The following SGCA variants were observed in gnomAD, a reference collection of about 807,000 sequenced individuals.
SGCA encodes the protein alpha-sarcoglycan.
SGCA carries 34 observed loss-of-function variants against 38.1 expected under a neutral mutation model. That is an observed-to-expected ratio of 0.89 (90% CI 0.68 to 1.19). The LOEUF (loss-of-function observed/expected upper bound fraction) is 1.19, where lower values mean the gene tolerates loss of function less well. Among genes scored for constraint, SGCA ranks in the 50% most tolerant of loss-of-function variants. The pLI is 0.00. For missense variants in SGCA, 476 were observed against 524.9 expected (o/e 0.91, Z 0.91); for synonymous variants, 209 against 214.6 (o/e 0.97, Z 0.23).
At chr17:50,174,676 C>T (rs1469158424) in intron 8 of SGCA, among the ~76,000 whole-genome samples, 1 of 151,984 alleles carries the variant, frequency 6.6e-6, no homozygotes, top group African/African-American at 2.4e-5. Flanking sequence ...CTCCATTTGG[C>T]CGTTGAGCAA....
chr17:50,167,925 A>G lies in SGCA; in HGVS notation c.313-22A>G. On this transcript the variant is annotated intron_variant, in intron 3 of 9. Transcript: ENST00000262018. This position sits in a 1 kb window ranked among gnomAD's most constrained non-coding sequence, Gnocchi z 4.5. ...ACGTTTCTCCCCTAACCCACTTCTC[A>G]GATGTCTTTCCCATCCCCCAGGTCA... The G allele has an allele frequency of 6.2e-7, 1 of 1,612,564 alleles. No individual in the cohort carries two copies. The highest frequency in any genetic ancestry group is 8.5e-7 in the Non-Finnish European group (1 of 1,178,646).
Position 50,175,373 on chromosome 17 carries a change from C to G in SGCA, c.1100C>G (p.Thr367Arg). The change falls in exon 9 of 10, where the codon ACA becomes AGA. Residue 367 changes from threonine to arginine, a missense_variant. Transcript: ENST00000262018. ...LSTLPMFNVHTGERLPPRVDS... is the reference protein window; with the variant it reads ...LSTLPMFNVHRGERLPPRVDS... Reference sequence around the variant, plus strand: ...ACCCTGCCCATGTTCAATGTGCACACAGGTGAGCGGCTGCCTCCCCGCGTG... The same window carrying G: ...ACCCTGCCCATGTTCAATGTGCACAGAGGTGAGCGGCTGCCTCCCCGCGTG... 1.2e-6 allele frequency: 2 copies of G among 1,613,038 alleles called. No individual in the cohort carries two copies. Among genetic ancestry groups the G allele is most frequent in the Non-Finnish European group, 1.7e-6 (2 of 1,180,008 alleles).
chr17:50,171,520 C>T (rs1187710685), intron 8 of SGCA: 1 of 456,810 alleles, frequency 2.2e-6, no homozygotes, highest in South Asian at 1.5e-5. Flanking sequence ...TCATTAATTG[C>T]AGTGGCACTT....
chr17:50,171,791 C>T (rs1256373522), intron 8 of SGCA: 4 of 456,644 alleles, frequency 8.8e-6, no homozygotes, highest in Non-Finnish European at 1.8e-5. Context: ...CATGTCGTAG[C>T]CCGTGGTGGA....
At chr17:50,175,633 C>T (rs1008559137) in intron 9 of SGCA, 79 bp from the exon 10 acceptor site, 2 of 696,940 alleles carry the variant, frequency 2.9e-6, no homozygotes, top group African/African-American at 1.7e-5. Context: ...GCCAAGCACT[C>T]GCAGTTGGAG....
rs749544769 is a variant in SGCA, at chr17:50,168,587, C to A, written c.584+15C>A. On this transcript the variant is annotated intron_variant, in intron 5 of 9. Coordinates refer to ENST00000262018, the MANE Select transcript of SGCA (RefSeq NM_000023.4). ...CGAAAAGAAGGGTAGGTGTGCAACC[C>A]TAGAGGACTTCCTGAAAGAGGAGGA... 7.1e-6 allele frequency: 11 copies of A among 1,553,082 alleles called. No individual in the cohort carries two copies. Among genetic ancestry groups the A allele is most frequent in the Non-Finnish European group, 8.7e-7 (1 of 1,146,836 alleles).
At position 50,170,227 on chromosome 17, in the gene SGCA, C is replaced by A. The variant is rs759841180; in HGVS notation, c.832C>A (p.Pro278Thr). Reference sequence around the variant, plus strand: ...GGAGCATGACCCGTTCTTCTGCCCACCCACTGAGGCCCCAGACCGTGACTT... The same window carrying A: ...GGAGCATGACCCGTTCTTCTGCCCAACCACTGAGGCCCCAGACCGTGACTT... ...ILEHDPFFCP[P>T]TEAPDRDFLV... The change falls in exon 7 of 10, where the codon CCC becomes ACC. Residue 278 changes from proline (P) to threonine (T), a missense_variant. Physicochemically the swap from Pro to Thr is conservative, Grantham distance 38. Transcript: ENST00000262018. The A allele has an allele frequency of 1.2e-6, 2 of 1,614,184 alleles. No homozygotes were observed. The highest frequency in any genetic ancestry group is 1.1e-5 in the South Asian group (1 of 91,088).
At chr17:50,173,398 C>T (rs1034723901) in intron 8 of SGCA, among the ~76,000 whole-genome samples, 4 of 150,884 alleles carry the variant, frequency 2.7e-5, no homozygotes, top group Non-Finnish European at 5.9e-5. Flanking sequence ...ACCTAGGCCA[C>T]GTGTGTGTGT....
At chr17:50,169,343 C>A in intron 6 of SGCA, 89 bp downstream of exon 6, 1 of 1,167,234 alleles carries the variant, frequency 8.6e-7, no homozygotes, top group South Asian at 1.4e-5. Flanking sequence ...CTATCTCCGT[C>A]TCTCTGATTG....
chr17:50,172,866 G>A (rs886858456), intron 8 of SGCA, among the ~76,000 whole-genome samples: 1 of 152,184 alleles, frequency 6.6e-6, no homozygotes, highest in Non-Finnish European at 1.5e-5. Context: ...GCAGTTAAAA[G>A]GCTTTGCTTT....
rs1362655145 is a variant in SGCA at position 50,168,007 on chromosome 17, G to C, written c.373G>C (p.Gly125Arg). Residue 125 changes from glycine to arginine, a missense_variant, in exon 4 of 10, where the codon GGG becomes CGG. Gly to Arg is a moderately radical substitution (Grantham distance 125). Coordinates refer to ENST00000262018, the MANE Select transcript of SGCA (RefSeq NM_000023.4). ...TCGGCAGAGGCTGGTGCTGGAGATT[G>C]GGGACCCAGAAGGTACCTCTAGCTG... ...TTRQRLVLEI[G>R]DPEGPLLPYQ... 5 of 1,613,936 alleles carry C rather than the reference G, an allele frequency of 3.1e-6. No individual in the cohort carries two copies. The highest frequency in any genetic ancestry group is 3.4e-6 in the Non-Finnish European group (4 of 1,179,822).
Position 50,175,408 on chromosome 17 carries a change from C to T in SGCA, c.1135C>T (p.Gln379Ter), listed in dbSNP as rs1254429264. 6.2e-7 allele frequency: 1 copy of T among 1,613,186 alleles called. No homozygotes were observed. The highest frequency in any genetic ancestry group is 1.3e-5 in the African/African-American group (1 of 75,082). ...GCTGCCTCCCCGCGTGGACAGCGCC[C>T]AGGTGCCCCTCATTCTGGACCAGCA... ...ERLPPRVDSAQVPLILDQH is the reference protein window; with the variant it reads ...ERLPPRVDSA The change falls in exon 9 of 10, where the codon CAG becomes TAG. Residue 379 changes from glutamine (Q) to a stop codon, truncating the protein, a stop_gained. Transcript: ENST00000262018. LOFTEE classifies it high-confidence loss of function.
chr17:50,166,587 C>T lies in SGCA; in HGVS notation c.37+510C>T, dbSNP rs180689583. ...TTCCTCCTCTGTAGGCTCCTGGCCC[C>T]GTCTTCCTCTCCTCTGGGCTCTTGG... On this transcript the variant is annotated intron_variant, in intron 1 of 9. Transcript: ENST00000262018. 4.0e-5 allele frequency among the ~76,000 whole-genome samples: 6 copies of T among 151,886 alleles called. No homozygotes were observed. In the South Asian group the frequency reaches 6.2e-4, roughly 16 times the overall value.
Position 50,167,713 on chromosome 17 carries a change from G to T in SGCA, c.289G>T (p.Asp97Tyr). Residue 97 changes from aspartate to tyrosine, a missense_variant, in exon 3 of 10, where the codon GAT becomes TAT. By Grantham distance (160) the Asp-to-Tyr change is radical. Coordinates refer to ENST00000262018, the MANE Select transcript of SGCA (RefSeq NM_000023.4). This position sits in a 1 kb window ranked among gnomAD's most constrained non-coding sequence, Gnocchi z 4.5. ...GFLYGSATPE[D>Y]RGLQVIEVTA... ...CCTCTACGGCTCTGCCACCCCAGAA[G>T]ATCGTGGGCTCCAGGTCATTGAGGT... The T allele has an allele frequency of 6.2e-7, 1 of 1,612,184 alleles. No homozygotes were observed. Among genetic ancestry groups the T allele is most frequent in the Non-Finnish European group, 8.5e-7 (1 of 1,178,626 alleles).
In SGCA at chr17:50,167,891, C is replaced by T. The variant is rs1255581341; in HGVS notation, c.313-56C>T. 22 of 1,571,438 alleles carry T rather than the reference C, an allele frequency of 1.4e-5. No individual in the cohort carries two copies. The highest frequency in any genetic ancestry group is 6.7e-5 in the Admixed American group (4 of 59,970). On this transcript the variant is annotated intron_variant, in intron 3 of 9. Transcript: ENST00000262018. This position sits in a 1 kb window ranked among gnomAD's most constrained non-coding sequence, Gnocchi z 4.5. ...TCTGAGTCCTCTCCTGCCAGGCCCC[C>T]GCTGTGCCACGTTTCTCCCCTAACC...
chr17:50,170,284 C>A lies in SGCA; in HGVS notation c.889C>A (p.Pro297Thr). 1.2e-6 allele frequency: 2 copies of A among 1,614,230 alleles called. No homozygotes were observed. The highest frequency in any genetic ancestry group is 1.7e-6 in the Non-Finnish European group (2 of 1,180,036). The change falls in exon 7 of 10, where the codon CCC becomes ACC. Residue 297 changes from proline to threonine, a missense_variant. Physicochemically the swap from Pro to Thr is conservative, Grantham distance 38. Coordinates refer to ENST00000262018, the MANE Select transcript of SGCA (RefSeq NM_000023.4). ...GGATGCTCTGGTCACCCTCCTGGTG[C>A]CCCTGCTGGTGGCCCTGCTTCTCAC... ...LVDALVTLLV[P>T]LLVALLLTLL...
At chr17:50,169,445 A>ACACACACACACAC (rs369628436) in intron 6 of SGCA, 191 bp downstream of exon 6, 1 of 573,600 alleles carries the variant, frequency 1.7e-6, no homozygotes, top group African/African-American at 1.9e-5. Flanking sequence ...ACACACACAC[A>ACACACACACACAC]CCCCTGAAGT....
chr17:50,168,985 C>A, intron 5 of SGCA, 107 bp from the exon 6 acceptor site: 1 of 1,029,376 alleles, frequency 9.7e-7, no homozygotes, highest in South Asian at 1.3e-5. Flanking sequence ...CTCATCCCAT[C>A]CCCAGGTCAT....
At position 50,168,607 on chromosome 17, in the gene SGCA, G is replaced by A. The variant is rs572645859; in HGVS notation, c.584+35G>A. 5.9e-6 allele frequency: 9 copies of A among 1,533,564 alleles called. No homozygotes were observed. The African/African-American group carries it at 9.6e-5, about 16-fold the overall frequency. The allele number at this position is 1,533,564 out of a possible 1,614,324, so 95.0% of individuals were successfully genotyped here. On this transcript the variant is annotated intron_variant, in intron 5 of 9. Coordinates refer to ENST00000262018, the MANE Select transcript of SGCA (RefSeq NM_000023.4). Reference sequence around the variant, plus strand: ...CAACCCTAGAGGACTTCCTGAAAGAGGAGGATGCAGCTTGTGGCGGGCATA... The same window carrying A: ...CAACCCTAGAGGACTTCCTGAAAGAAGAGGATGCAGCTTGTGGCGGGCATA...
Sources: gnomAD v4.1 joint callset for allele counts (sites outside exome capture counted in the v4.1 genomes callset) on GRCh38, gnomAD v4.1.1 for gene constraint, Gnocchi (gnomAD v3.1) non-coding constraint, MANE v1.5 for transcripts, NCBI Gene and HGNC (gene_info 2026-07-23, HGNC 2026-07-21) for gene names.